The following SMG6 variants were observed in gnomAD, a reference collection of about 807,000 sequenced individuals.
SMG6 encodes SMG6 nonsense mediated mRNA decay factor.
In SMG6, 66 loss-of-function variants were observed where a neutral mutation model predicts 142.2. That is an observed-to-expected ratio of 0.46 (90% CI 0.38 to 0.57). SMG6 has a LOEUF of 0.57. Ranked by LOEUF, SMG6 falls within the 20% of genes least tolerant of loss-of-function variation. The pLI, the probability that SMG6 is intolerant of heterozygous loss-of-function variation, is 0.00. For synonymous variants in SMG6, 779 were observed against 702.4 expected (o/e 1.11, Z -1.72); for missense variants, 1,793 against 1,832.0 (o/e 0.98, Z 0.39).
chr17:2,252,417 A>G (rs2074068477), intron 8 of SMG6, among the ~76,000 whole-genome samples: 1 of 151,604 alleles, frequency 6.6e-6, no homozygotes, highest in Admixed American at 6.6e-5. Context: ...TAAAGAAAAG[A>G]AAAGAAGGAG....
At chr17:2,181,205 T>G (rs1427452562) in intron 12 of SMG6, among the ~76,000 whole-genome samples, 2 of 152,230 alleles carry the variant, frequency 1.3e-5, no homozygotes, top group African/African-American at 2.4e-5. Flanking sequence ...CAGTGAGTAT[T>G]AGGAAGCTAC....
chr17:2,296,226 A>G (rs1382829329), intron 4 of SMG6, among the ~76,000 whole-genome samples: 1 of 152,166 alleles, frequency 6.6e-6, no homozygotes, highest in Non-Finnish European at 1.5e-5. Context: ...TCCACCTACA[A>G]TAGCCCCCTC....
At chr17:2,089,488 T>C (rs1567588689) in intron 13 of SMG6, among the ~76,000 whole-genome samples, 1 of 152,130 alleles carries the variant, frequency 6.6e-6, no homozygotes, top group Non-Finnish European at 1.5e-5. Context: ...AAATATCACA[T>C]ACAAATCATT....
At chr17:2,224,716 A>AAACCAACCAACC (rs34427018) in intron 10 of SMG6, among the ~76,000 whole-genome samples, 2 of 152,046 alleles carry the variant, frequency 1.3e-5, no homozygotes, top group East Asian at 1.9e-4. Flanking sequence ...ACTGATAGGA[A>AAACCAACCAACC]AACCAACCAA....
rs116182794 is a variant in SMG6 at position 2,071,596 on chromosome 17, C to T, written c.3682-2665G>A. Among the ~76,000 whole-genome samples the T allele has an allele frequency of 2.9e-3, 438 of 152,316 alleles. 2 individuals are homozygous for T. The highest frequency in any genetic ancestry group is 5.4e-3 in the African/African-American group (225 of 41,570). On this transcript the variant is annotated intron_variant, in intron 15 of 18. Coordinates refer to ENST00000263073, the MANE Select transcript of SMG6 (RefSeq NM_017575.5). The surrounding 1 kb of genome is among the most constrained non-coding windows in gnomAD (Gnocchi z 5.6). ...TGCTGCCATCATCCGGTCCCAGGGA[C>T]GCCCGCAGACAACTTCCCTTAACCT...
chr17:2,152,464 G>A (rs1191952735), intron 13 of SMG6, among the ~76,000 whole-genome samples: 2 of 152,128 alleles, frequency 1.3e-5, no homozygotes, highest in South Asian at 2.1e-4. Flanking sequence ...ACCTGACAAA[G>A]GATTTGCATC....
intron 12 of SMG6, among the ~76,000 whole-genome samples, chr17:2,175,660 T>A (rs762968788): frequency 5.9e-5 from 9 of 152,068 alleles, no homozygotes; most frequent in Non-Finnish European, 1.3e-4. Flanking sequence ...TGGACGAGAA[T>A]CCCTACCTCA....
At chr17:2,268,339 C>T (rs1427626345) in intron 8 of SMG6, among the ~76,000 whole-genome samples, 1 of 152,164 alleles carries the variant, frequency 6.6e-6, no homozygotes, top group African/African-American at 2.4e-5. Context: ...CTTATAAAAC[C>T]ATGCTCTGAT....
intron 8 of SMG6, among the ~76,000 whole-genome samples, chr17:2,268,886 T>G (rs1467442410): frequency 6.8e-6 from 1 of 146,974 alleles, no homozygotes; most frequent in African/African-American, 2.5e-5. Flanking sequence ...CACTCCAGCC[T>G]GGGCGACAGA....
chr17:2,295,770 T>C (rs2075130860), intron 4 of SMG6, among the ~76,000 whole-genome samples: 1 of 152,116 alleles, frequency 6.6e-6, no homozygotes, highest in South Asian at 2.1e-4. Context: ...TATTCACTTG[T>C]TCACTTTCAA....
At chr17:2,192,840 G>A (rs1316994446) in intron 10 of SMG6, among the ~76,000 whole-genome samples, 1 of 152,202 alleles carries the variant, frequency 6.6e-6, no homozygotes, top group Non-Finnish European at 1.5e-5. Flanking sequence ...GGAGGTAGAG[G>A]AAGCAGTCGC....
intron 10 of SMG6, among the ~76,000 whole-genome samples, chr17:2,230,515 T>C (rs1250703210): frequency 1.3e-5 from 2 of 152,094 alleles, no homozygotes; most frequent in Non-Finnish European, 2.9e-5. Flanking sequence ...AAAGGCTTAA[T>C]TTTACTGAGA....
intron 13 of SMG6, among the ~76,000 whole-genome samples, chr17:2,112,546 A>C (rs1041471038): frequency 6.7e-6 from 1 of 148,882 alleles, no homozygotes; most frequent in Admixed American, 6.7e-5. Context: ...TAAATAAATA[A>C]ATAAATAAAT....
intron 6 of SMG6, among the ~76,000 whole-genome samples, chr17:2,284,263 A>C (rs1282241808): frequency 6.6e-6 from 1 of 152,176 alleles, no homozygotes; most frequent in Non-Finnish European, 1.5e-5. Flanking sequence ...AATAATACCC[A>C]ATGGAGGAGT....
At chr17:2,076,144 C>T (rs1303757629) in intron 15 of SMG6, among the ~76,000 whole-genome samples, 1 of 152,154 alleles carries the variant, frequency 6.6e-6, no homozygotes, top group Admixed American at 6.5e-5. Flanking sequence ...TCAACCCCAT[C>T]TTCACATCCC....
At chr17:2,171,369 G>GTA (rs2071497513) in intron 13 of SMG6, among the ~76,000 whole-genome samples, 1 of 151,760 alleles carries the variant, frequency 6.6e-6, no homozygotes, top group African/African-American at 2.4e-5. Context: ...GTGTGTGTGT[G>GTA]TGTGTGTGTG....
Position 2,297,257 on chromosome 17 carries a change from G to A in SMG6, c.2137C>T (p.Pro713Ser). ...YMDGLAIRSKPLRKTVKYALI... is the reference protein window; with the variant it reads ...YMDGLAIRSKSLRKTVKYALI... ...AGGTAGCTTACTGTCTTGCGTAATG[G>A]CTTGCTGCGAATGGCAAGACCATCC... The change falls in exon 4 of 19, where the codon CCA becomes TCA. Residue 713 changes from proline (P) to serine (S), a missense_variant. Pro to Ser is a moderately conservative substitution (Grantham distance 74). Transcript: ENST00000263073. The A allele has an allele frequency of 1.2e-6, 2 of 1,605,330 alleles. No homozygotes were observed. Among genetic ancestry groups the A allele is most frequent in the South Asian group, 1.1e-5 (1 of 89,140 alleles).
At chr17:2,145,643 C>A (rs1461305855) in intron 13 of SMG6, among the ~76,000 whole-genome samples, 2,042 of 23,568 alleles carry the variant, frequency 0.087, 166 homozygotes, top group Middle Eastern at 0.29. Context: ...TCCATCTCCC[C>A]AAAAAAAAAA....
intron 10 of SMG6, chr17:2,233,753 A>T (rs1168069757): frequency 6.6e-6 from 1 of 151,364 alleles, no homozygotes; most frequent in Non-Finnish European, 1.5e-5. Flanking sequence ...GGGACCAAAG[A>T]TGATGACTCA....
Sources: allele counts gnomAD v4.1 joint callset (sites outside exome capture counted in the v4.1 genomes callset), GRCh38; gene constraint gnomAD v4.1.1; non-coding constraint Gnocchi (gnomAD v3.1); transcripts MANE v1.5; gene names NCBI Gene and HGNC (gene_info 2026-07-23, HGNC 2026-07-21).